Variants in TBL1X observed in about 807,000 individuals in gnomAD.
TBL1X encodes F-box-like/WD repeat-containing protein TBL1X.
A neutral mutation model predicts 50.7 loss-of-function variants in TBL1X; 10 were observed. The ratio of observed to expected loss-of-function variants is 0.20; its 90% CI spans 0.12 to 0.33. TBL1X has a LOEUF of 0.33. TBL1X is among the 10% of genes least tolerant of loss of function. TBL1X has a pLI of 1.00. For synonymous variants in TBL1X, 190 were observed against 214.7 expected, an observed-to-expected ratio of 0.88 and a Z score of 1.01; for missense variants, 340 against 504.4, an observed-to-expected ratio of 0.67 and a Z score of 3.12.
chrX:9,464,035 C>G (rs750749495), upstream of TBL1X, among the ~76,000 whole-genome samples: 4 of 111,641 alleles, frequency 3.6e-5, no homozygotes, highest in East Asian at 1.1e-3. Flanking sequence ...GCTCTTAGCA[C>G]GAAGCTCATT....
intron 5 of TBL1X, among the ~76,000 whole-genome samples, chrX:9,670,840 A>T (rs2082956538): frequency 8.9e-6 from 1 of 112,569 alleles, no homozygotes; most frequent in Admixed American, 9.4e-5. Flanking sequence ...TACATTGCTA[A>T]TGTGTATCCA....
At chrX:9,491,342 T>G (rs868709480) in intron 1 of TBL1X, among the ~76,000 whole-genome samples, 2 of 77,931 alleles carry the variant, frequency 2.6e-5, no homozygotes, top group African/African-American at 1.0e-4. Context: ...ATATATATTT[T>G]TTTTTTTTTT....
At chrX:9,569,426 C>T (rs777862015) in intron 2 of TBL1X, among the ~76,000 whole-genome samples, 3 of 110,558 alleles carry the variant, frequency 2.7e-5, no homozygotes, top group Non-Finnish European at 5.7e-5. Context: ...GTGTGTGTGT[C>T]TATTTGTGTA....
intron 5 of TBL1X, among the ~76,000 whole-genome samples, chrX:9,655,844 G>A (rs1601819945): frequency 1.8e-5 from 2 of 111,924 alleles, no homozygotes; most frequent in Admixed American, 1.9e-4. Context: ...TCTGATCCTC[G>A]AACAAGTCTG....
At chrX:9,580,594 G>A (rs1409904577) in intron 2 of TBL1X, among the ~76,000 whole-genome samples, 5 of 111,470 alleles carry the variant, frequency 4.5e-5, no homozygotes, top group Non-Finnish European at 9.4e-5. Context: ...GGAGCCCCAA[G>A]ATTTATTTTC....
At chrX:9,669,001 TCTTA>T (rs1241066125) in intron 5 of TBL1X, among the ~76,000 whole-genome samples, 2 of 112,038 alleles carry the variant, frequency 1.8e-5, no homozygotes, top group East Asian at 5.6e-4. Flanking sequence ...AGTAAATTTG[TCTTA>T]CTATGATTTG....
At chrX:9,651,202 G>T (rs5978333) in intron 3 of TBL1X, among the ~76,000 whole-genome samples, 2,948 of 109,369 alleles carry the variant, frequency 0.027, 119 homozygotes, top group African/African-American at 0.094. Context: ...TAGTTTTTTC[G>T]TTTGTTTGTT....
intron 2 of TBL1X, among the ~76,000 whole-genome samples, chrX:9,586,169 T>C (rs760120055): frequency 1.7e-4 from 19 of 112,113 alleles, no homozygotes; most frequent in African/African-American, 4.2e-4. Context: ...GAAATCAGAA[T>C]CTCAAAGAGA....
intron 2 of TBL1X, among the ~76,000 whole-genome samples, chrX:9,628,869 C>T (rs769387769): frequency 6.3e-5 from 7 of 111,991 alleles, no homozygotes; most frequent in African/African-American, 1.6e-4. Flanking sequence ...TTTTACGAGG[C>T]GTTTTGGGCT....
chrX:9,613,036 T>C (rs1490730283), intron 2 of TBL1X, among the ~76,000 whole-genome samples: 1 of 105,061 alleles, frequency 9.5e-6, no homozygotes, highest in Non-Finnish European at 2.0e-5. Context: ...TACAAATTAT[T>C]ACCAAAAAAA....
chrX:9,583,303 T>C (rs1403742968), intron 2 of TBL1X, among the ~76,000 whole-genome samples: 1 of 112,435 alleles, frequency 8.9e-6, no homozygotes, highest in Non-Finnish European at 1.9e-5. Flanking sequence ...TAACCCAGAA[T>C]ACCTCATCTC....
intron 5 of TBL1X, among the ~76,000 whole-genome samples, chrX:9,676,703 G>A (rs2082996687): frequency 8.9e-6 from 1 of 112,383 alleles, no homozygotes; most frequent in African/African-American, 3.2e-5. Flanking sequence ...GTAGCAAAAT[G>A]TTGTTGGAGG....
intron 2 of TBL1X, among the ~76,000 whole-genome samples, chrX:9,596,988 C>T (rs150177410): frequency 2.7e-5 from 3 of 111,321 alleles, no homozygotes; most frequent in African/African-American, 9.8e-5. Context: ...CCATGGTTTC[C>T]TATAATGCTA....
intron 2 of TBL1X, among the ~76,000 whole-genome samples, chrX:9,521,989 A>G (rs1231251544): frequency 1.0e-5 from 1 of 98,372 alleles, no homozygotes; most frequent in Non-Finnish European, 2.1e-5. Flanking sequence ...CCTTTTAAAT[A>G]TTTATTTTTG....
chrX:9,642,497 C>T (rs2082781029), intron 3 of TBL1X, among the ~76,000 whole-genome samples: 1 of 111,749 alleles, frequency 8.9e-6, no homozygotes, highest in African/African-American at 3.3e-5. Context: ...CCATCGCAGA[C>T]CCTGGTGATA....
chrX:9,466,021 C>T (rs886749320), intron 1 of TBL1X, among the ~76,000 whole-genome samples: 2 of 113,118 alleles, frequency 1.8e-5, no homozygotes, highest in African/African-American at 6.4e-5. Context: ...TTCTGACGCG[C>T]AGAAACTGTC....
At chrX:9,714,594 T>C (rs2083267026) in intron 16 of TBL1X, among the ~76,000 whole-genome samples, 1 of 112,009 alleles carries the variant, frequency 8.9e-6, no homozygotes, top group South Asian at 3.7e-4. Flanking sequence ...ACCCACCAGA[T>C]GAGTCTGAGT....
chrX:9,664,631 C>T (rs1164095785), intron 5 of TBL1X, among the ~76,000 whole-genome samples: 1 of 111,871 alleles, frequency 8.9e-6, no homozygotes, highest in Non-Finnish European at 1.9e-5. Flanking sequence ...AATGCTTTTA[C>T]AATATCCACT....
intron 2 of TBL1X, among the ~76,000 whole-genome samples, chrX:9,544,629 C>A (rs1473020197): frequency 8.9e-6 from 1 of 111,919 alleles, no homozygotes; most frequent in African/African-American, 3.3e-5. Flanking sequence ...ATGGTGCGAT[C>A]TCTGCTCACT....
Sources: gnomAD v4.1 joint callset for allele counts (sites outside exome capture counted in the v4.1 genomes callset) on GRCh38, gnomAD v4.1.1 for gene constraint, MANE v1.5 for transcripts, NCBI Gene and HGNC (gene_info 2026-07-23, HGNC 2026-07-21) for gene names.